PKHD1L1: variants seen among roughly 807,000 people sequenced by gnomAD.
PKHD1L1 encodes fibrocystin-L.
Under a neutral mutation model 462.9 loss-of-function variants are expected in PKHD1L1, and 434 were observed. The observed-to-expected ratio is 0.94, with a 90% CI of 0.87 to 1.02. PKHD1L1 has a LOEUF of 1.02. Ranked by LOEUF, PKHD1L1 falls within the 50% of genes least tolerant of loss-of-function variation. The pLI, the probability that PKHD1L1 is intolerant of heterozygous loss-of-function variation, is 0.00. For missense variants in PKHD1L1, 5,202 were observed against 5,096.1 expected (o/e 1.02, Z -0.63); for synonymous variants, 1,781 against 1,750.0 (o/e 1.02, Z -0.44).
At chr8:109,458,372 T>G (rs564413779) in intron 46 of PKHD1L1, among the ~76,000 whole-genome samples, 2 of 151,438 alleles carry the variant, frequency 1.3e-5, no homozygotes, top group Non-Finnish European at 2.9e-5. Flanking sequence ...TTCCACTTTC[T>G]TCCCCCCACG....
intron 27 of PKHD1L1, among the ~76,000 whole-genome samples, chr8:109,432,067 C>T (rs991655912): frequency 2.6e-5 from 4 of 152,120 alleles, no homozygotes; most frequent in African/African-American, 9.7e-5. Flanking sequence ...ACATGATCAT[C>T]CTTCATATGT....
At chr8:109,390,268 T>C (rs1216278807) in intron 8 of PKHD1L1, among the ~76,000 whole-genome samples, 184 bp from the exon 9 acceptor site, 2 of 152,238 alleles carry the variant, frequency 1.3e-5, no homozygotes, top group Non-Finnish European at 2.9e-5. Flanking sequence ...ATTACGTATA[T>C]TTTTATATAG....
intron 2 of PKHD1L1, among the ~76,000 whole-genome samples, chr8:109,374,366 C>G (rs1215428956): frequency 6.6e-6 from 1 of 152,160 alleles, no homozygotes; most frequent in African/African-American, 2.4e-5. Context: ...GATCGTCCTC[C>G]ATCCCTTTAT....
intron 65 of PKHD1L1, 29 bp downstream of exon 65, chr8:109,497,301 A>AG: frequency 6.3e-7 from 1 of 1,599,982 alleles, no homozygotes; most frequent in Non-Finnish European, 8.5e-7. Flanking sequence ...CACACCATGG[A>AG]GAAAAAAATA....
chr8:109,404,545 AT>A lies in PKHD1L1; in HGVS notation c.1374-5del. The stretch of plus-strand genomic sequence containing the variant: ...AAAAGTTATATTCATTAGTTACTCT[AT>A]TTTCCAGATACTATATTGAAATCTT... On this transcript the variant is annotated splice_region_variant and splice_polypyrimidine_tract_variant and intron_variant, in intron 14 of 77. Coordinates refer to ENST00000378402, the MANE Select transcript of PKHD1L1 (RefSeq NM_177531.6). 1 of 1,501,746 alleles carries A rather than the reference AT, an allele frequency of 6.7e-7. No individual in the cohort carries two copies. Among genetic ancestry groups the A allele is most frequent in the Non-Finnish European group, 8.9e-7 (1 of 1,118,078 alleles). 93.0% of individuals were successfully genotyped at this position (1,501,746 alleles called of 1,614,324 possible).
intron 68 of PKHD1L1, among the ~76,000 whole-genome samples, chr8:109,506,188 A>G (rs1819678597): frequency 6.6e-6 from 1 of 152,186 alleles, no homozygotes; most frequent in African/African-American, 2.4e-5. Context: ...AGGCGATGCC[A>G]TCAGTGCTCT....
At chr8:109,400,735 G>A (rs1435180769) in intron 13 of PKHD1L1, among the ~76,000 whole-genome samples, 1 of 151,790 alleles carries the variant, frequency 6.6e-6, no homozygotes, top group Admixed American at 6.6e-5. Flanking sequence ...TATTACTTGG[G>A]TTTACCAAGC....
At position 109,522,731 on chromosome 8, in the gene PKHD1L1, T is replaced by C. The variant is rs1563637689; in HGVS notation, c.12184-13T>C. The C allele has an allele frequency of 1.2e-6, 2 of 1,601,614 alleles. No homozygotes were observed. The highest frequency in any genetic ancestry group is 1.8e-5 in the Admixed American group (1 of 56,036). The stretch of plus-strand genomic sequence containing the variant: ...ATCATGAAGAAACCAGTTCATCCCT[T>C]GTGCATTCACAGGTGACTGCCCAGC... On this transcript the variant is annotated splice_polypyrimidine_tract_variant and intron_variant, in intron 74 of 77. Coordinates refer to ENST00000378402, the MANE Select transcript of PKHD1L1 (RefSeq NM_177531.6).
intron 56 of PKHD1L1, 98 bp from the exon 57 acceptor site, chr8:109,482,889 T>C: frequency 2.8e-6 from 2 of 712,014 alleles, no homozygotes; most frequent in Non-Finnish European, 2.1e-6. Flanking sequence ...AAATGTTTAA[T>C]CACATAATAA....
In PKHD1L1 at chr8:109,409,874, G is replaced by T. The variant is rs1231825248; in HGVS notation, c.1981G>T (p.Ala661Ser). ...TATATTGTTAATTTAGTTTCAGGGA[G>T]CAGTGGAAGAAATGGTTAGCACTAA... ...LWSSEAEFQGAVEEMVSTKCP... is the reference protein window; with the variant it reads ...LWSSEAEFQGSVEEMVSTKCP... The change falls in exon 19 of 78, where the codon GCA (alanine) becomes TCA (serine). Residue 661 changes from alanine (A) to serine (S), a missense_variant. This residue lies in a region of PKHD1L1 where 4,497 missense variants were observed against 4,336.8 expected (regional missense o/e 1.04). Coordinates refer to ENST00000378402, the MANE Select transcript of PKHD1L1 (RefSeq NM_177531.6). The T allele has an allele frequency of 1.3e-6, 2 of 1,576,738 alleles. No homozygotes were observed. The highest frequency in any genetic ancestry group is 1.7e-6 in the Non-Finnish European group (2 of 1,162,182).
At chr8:109,407,341 T>C (rs1432304468) in intron 17 of PKHD1L1, among the ~76,000 whole-genome samples, 2 of 152,212 alleles carry the variant, frequency 1.3e-5, no homozygotes, top group African/African-American at 4.8e-5. Flanking sequence ...TGAATAAACA[T>C]ATGGATATCC....
At chr8:109,370,045 A>G (rs945374038) in intron 2 of PKHD1L1, among the ~76,000 whole-genome samples, 7 of 152,212 alleles carry the variant, frequency 4.6e-5, no homozygotes, top group African/African-American at 1.7e-4. Flanking sequence ...GCAGCTAAGA[A>G]CATAAGGGCT....
intron 48 of PKHD1L1, 48 bp from the exon 49 acceptor site, chr8:109,464,168 T>C (rs1260869555): frequency 1.6e-6 from 2 of 1,290,182 alleles, no homozygotes; most frequent in Non-Finnish European, 2.0e-6. Flanking sequence ...AAATATGAGC[T>C]CAACATCTGA....
intron 71 of PKHD1L1, 59 bp downstream of exon 71, chr8:109,510,993 G>A: frequency 6.4e-7 from 1 of 1,554,754 alleles, no homozygotes; most frequent in Non-Finnish European, 8.8e-7. Context: ...ATTTCTATCT[G>A]CTAAGGCTTG....
intron 62 of PKHD1L1, among the ~76,000 whole-genome samples, chr8:109,492,910 T>TGTAA (rs1332917530): frequency 1.3e-5 from 2 of 151,866 alleles, no homozygotes; most frequent in African/African-American, 4.8e-5. Flanking sequence ...TGTTTGTAAT[T>TGTAA]ACCTAACACT....
intron 73 of PKHD1L1, among the ~76,000 whole-genome samples, chr8:109,520,241 C>T (rs1401795850): frequency 6.6e-6 from 1 of 152,050 alleles, no homozygotes; most frequent in Non-Finnish European, 1.5e-5. Flanking sequence ...GACTTACAGG[C>T]TCAGGGTTTG....
intron 70 of PKHD1L1, among the ~76,000 whole-genome samples, chr8:109,510,157 G>A (rs894245381): frequency 6.6e-6 from 1 of 152,022 alleles, no homozygotes; most frequent in Admixed American, 6.6e-5. Context: ...TTAAAATGGA[G>A]GAAGATTAAT....
At chr8:109,397,764 G>A (rs1813054387) in intron 11 of PKHD1L1, among the ~76,000 whole-genome samples, 1 of 152,058 alleles carries the variant, frequency 6.6e-6, no homozygotes, top group Admixed American at 6.6e-5. Context: ...AACAAAACTT[G>A]GCAAAAATAT....
chr8:109,362,476 C>T lies in PKHD1L1; in HGVS notation c.-105C>T. The T allele has an allele frequency of 2.6e-6, 3 of 1,171,836 alleles. No individual in the cohort carries two copies. The highest frequency in any genetic ancestry group is 2.0e-5 in the Admixed American group (1 of 49,552). The allele number at this position is 1,171,836 out of a possible 1,614,324, so 72.6% of individuals were successfully genotyped here. On this transcript the variant is annotated 5_prime_UTR_variant, in exon 1 of 78. Coordinates refer to ENST00000378402, the MANE Select transcript of PKHD1L1 (RefSeq NM_177531.6). ...GGGCGGCCCAGTTCCCCAGCTCTCC[C>T]GGGACGAAGCGGGCCCGCCAGCGAG...
Sources: allele counts gnomAD v4.1 joint callset (sites outside exome capture counted in the v4.1 genomes callset), GRCh38; gene constraint gnomAD v4.1.1; regional missense constraint gnomAD v4.1.1; transcripts MANE v1.5; gene names NCBI Gene and HGNC (gene_info 2026-07-23, HGNC 2026-07-21).